Variants in VAV3 observed in about 807,000 individuals in gnomAD.
VAV3 encodes guanine nucleotide exchange factor VAV3.
Under a neutral mutation model 131.2 loss-of-function variants are expected in VAV3, and 94 were observed. The ratio of observed to expected loss-of-function variants is 0.72; its 90% CI spans 0.61 to 0.85. The LOEUF (loss-of-function observed/expected upper bound fraction) is 0.85, where lower values mean the gene tolerates loss of function less well. VAV3 is among the 40% of genes least tolerant of loss of function. VAV3 has a pLI of 0.00. For missense variants in VAV3, 939 were observed against 1,002.7 expected (o/e 0.94, Z 0.86); for synonymous variants, 349 against 342.0 (o/e 1.02, Z -0.22).
At chr1:107,924,131 A>G (rs533444709) in intron 1 of VAV3, among the ~76,000 whole-genome samples, 1 of 152,308 alleles carries the variant, frequency 6.6e-6, no homozygotes, top group South Asian at 2.1e-4. Flanking sequence ...GGACATGGCC[A>G]TGGATACAAC....
rs1381162442 is a variant in VAV3, at chr1:107,758,155, G to A, written c.1018-826C>T. ...TCACTTAAGCCAAAACCTAAAAGGT[G>A]TCCCAGACTTCTCCCTGTTCTCTCT... is the stretch of plus-strand genomic sequence containing the variant. On this transcript the variant is annotated intron_variant, in intron 10 of 26. Transcript: ENST00000370056. 2.0e-5 allele frequency among the ~76,000 whole-genome samples: 3 copies of A among 152,142 alleles called. No individual in the cohort carries two copies. The East Asian group carries it at 5.8e-4, about 29-fold the overall frequency.
At chr1:107,647,673 G>T (rs1288964347) in intron 19 of VAV3, among the ~76,000 whole-genome samples, 2 of 152,028 alleles carry the variant, frequency 1.3e-5, no homozygotes, top group Non-Finnish European at 2.9e-5. Flanking sequence ...TTTCCTAGGT[G>T]TGACATCCAA....
chr1:107,734,620 T>C (rs1462085628), intron 15 of VAV3, among the ~76,000 whole-genome samples: 1 of 152,150 alleles, frequency 6.6e-6, no homozygotes, highest in African/African-American at 2.4e-5. Flanking sequence ...AGAAGGCCAT[T>C]ACATAATGGT....
chr1:107,711,508 G>T lies in VAV3; in HGVS notation c.1503-6447C>A, dbSNP rs568004121. ...TTAGTACCACAGGGAACATTCTGAAGTCAAGTTATCAGATGACAGCCAAGG... is the reference window on the plus strand; with the variant it reads ...TTAGTACCACAGGGAACATTCTGAATTCAAGTTATCAGATGACAGCCAAGG... On this transcript the variant is annotated intron_variant, in intron 15 of 26. Transcript: ENST00000370056. Among the ~76,000 whole-genome samples the T allele has an allele frequency of 3.3e-5, 5 of 152,314 alleles. No homozygotes were observed. The South Asian group carries it at 1.0e-3, about 32-fold the overall frequency.
intron 2 of VAV3, among the ~76,000 whole-genome samples, chr1:107,804,462 C>T (rs779182723): frequency 5.9e-5 from 9 of 152,104 alleles, no homozygotes; most frequent in Admixed American, 3.9e-4. Flanking sequence ...GTAGACATAA[C>T]AAGTCATTTT....
chr1:107,631,540 A>C (rs962189777), intron 20 of VAV3, among the ~76,000 whole-genome samples: 3 of 151,610 alleles, frequency 2.0e-5, no homozygotes, highest in Middle Eastern at 3.4e-3. Flanking sequence ...GGTTAGTTAC[A>C]TATGTATACA....
chr1:107,611,609 C>CAAAAAAAAAAAAAA (rs1324755005), intron 21 of VAV3, among the ~76,000 whole-genome samples: 4 of 111,320 alleles, frequency 3.6e-5, no homozygotes, highest in Non-Finnish European at 3.9e-5. Context: ...AAAAAAAAAA[C>CAAAAAAAAAAAAAA]AAACAAACAA....
chr1:107,804,808 G>A, intron 2 of VAV3, among the ~76,000 whole-genome samples: 1 of 152,018 alleles, frequency 6.6e-6, no homozygotes, highest in East Asian at 1.9e-4. Context: ...CTTTCAGAAT[G>A]AAAAACTCTC....
intron 3 of VAV3, 74 bp from the exon 4 acceptor site, chr1:107,777,370 T>C: frequency 7.6e-7 from 1 of 1,313,590 alleles, no homozygotes; most frequent in Non-Finnish European, 1.1e-6. Flanking sequence ...GCTGCGCACT[T>C]AACCCTCACT....
At position 107,772,825 on chromosome 1, in the gene VAV3, A is replaced by G. The variant is rs373592230; in HGVS notation, c.465T>C (p.Asp155=). The stretch of plus-strand genomic sequence containing the variant: ...AAACACAGTCATAGAGATCTTCTTC[A>G]TCTTCCACAAGGGTTTCACTACAAC... ...PDLIDETLVE[D]EEDLYDCVYG... is the part of the protein sequence containing the mutation. Residue 155 remains aspartate (D), a synonymous_variant, in exon 5 of 27, where the codon GAT becomes GAC. Transcript: ENST00000370056. 1.1e-5 allele frequency: 17 copies of G among 1,613,480 alleles called. 1 individual carries two copies. The highest frequency in any genetic ancestry group is 3.3e-4 in the Middle Eastern group (2 of 6,076).
At chr1:107,916,984 C>T (rs970906704) in intron 1 of VAV3, among the ~76,000 whole-genome samples, 22 of 152,248 alleles carry the variant, frequency 1.4e-4, no homozygotes, top group African/African-American at 4.8e-4. Flanking sequence ...ACTGGAAATT[C>T]GGGCAGAGGA....
At chr1:107,584,568 G>T (rs1650340367) in intron 25 of VAV3, among the ~76,000 whole-genome samples, 1 of 151,684 alleles carries the variant, frequency 6.6e-6, no homozygotes, top group Non-Finnish European at 1.5e-5. Context: ...CAAGAAAAAA[G>T]CTTATTGTAT....
At chr1:107,775,151 G>T (rs1462257510) in intron 4 of VAV3, among the ~76,000 whole-genome samples, 3 of 152,140 alleles carry the variant, frequency 2.0e-5, no homozygotes, top group Admixed American at 6.5e-5. Flanking sequence ...GGAAACCAAG[G>T]TTTTCTCCAA....
chr1:107,900,199 C>G (rs866720035), intron 1 of VAV3, among the ~76,000 whole-genome samples: 1 of 152,082 alleles, frequency 6.6e-6, no homozygotes, highest in East Asian at 1.9e-4. Flanking sequence ...CTACAAGCTT[C>G]GACACTTAGG....
chr1:107,834,640 G>A lies in VAV3; in HGVS notation c.321+40261C>T, dbSNP rs147869973. Among the ~76,000 whole-genome samples the A allele has an allele frequency of 7.5e-3, 1,142 of 151,570 alleles. 51 individuals are homozygous for A. Among genetic ancestry groups the A allele is most frequent in the Admixed American group, 0.07 (1,057 of 15,180 alleles). ...CAAGATGGCCAACTAGATGCAGCCA[G>A]GAAGCCCCTCTCCCACCAAGAGAGA... is the stretch of plus-strand genomic sequence containing the variant. On this transcript the variant is annotated intron_variant, in intron 2 of 26. Coordinates refer to ENST00000370056, the MANE Select transcript of VAV3 (RefSeq NM_006113.5).
chr1:107,705,251 G>C (rs949384188), intron 15 of VAV3, among the ~76,000 whole-genome samples, 190 bp from the exon 16 acceptor site: 2 of 151,854 alleles, frequency 1.3e-5, no homozygotes, highest in African/African-American at 4.8e-5. Context: ...GAATCTGGCT[G>C]TGTGGGAACA....
chr1:107,721,055 A>T (rs964875295), intron 15 of VAV3, among the ~76,000 whole-genome samples: 1 of 152,198 alleles, frequency 6.6e-6, no homozygotes, highest in African/African-American at 2.4e-5. Context: ...CACAGGCTTG[A>T]TATGGGTGAA....
chr1:107,777,275 G>A lies in VAV3; in HGVS notation c.402C>T (p.Ser134=). ...CTTTGTAGATGTCTTCATCATTAATGCTTTCTTCTGTTGGGAAGGGCCTAG... is the reference window on the plus strand; with the variant it reads ...CTTTGTAGATGTCTTCATCATTAATACTTTCTTCTGTTGGGAAGGGCCTAG... ...TGIRPFPTEE[S]INDEDIYKGL... The change falls in exon 4 of 27, where the codon AGC becomes AGT. Residue 134 remains serine, a synonymous_variant. Transcript: ENST00000370056. The A allele has an allele frequency of 3.1e-6, 5 of 1,613,952 alleles. No homozygotes were observed. The highest frequency in any genetic ancestry group is 1.7e-5 in the Admixed American group (1 of 60,010).
At chr1:107,910,543 C>T (rs1406170693) in intron 1 of VAV3, among the ~76,000 whole-genome samples, 1 of 152,214 alleles carries the variant, frequency 6.6e-6, no homozygotes, top group Non-Finnish European at 1.5e-5. Context: ...AATTGAAGGT[C>T]ACAGTAATGA....
Sources: allele counts gnomAD v4.1 joint callset (sites outside exome capture counted in the v4.1 genomes callset), GRCh38; gene constraint gnomAD v4.1.1; transcripts MANE v1.5; gene names NCBI Gene and HGNC (gene_info 2026-07-23, HGNC 2026-07-21).